AXL: variants seen among roughly 807,000 people sequenced by gnomAD.
AXL encodes tyrosine-protein kinase receptor UFO.
Under a neutral mutation model 104.5 loss-of-function variants are expected in AXL, and 52 were observed. The ratio of observed to expected loss-of-function variants is 0.50; its 90% confidence interval spans 0.40 to 0.63. The LOEUF (loss-of-function observed/expected upper bound fraction) is 0.63, where lower values mean the gene tolerates loss of function less well. Among genes scored for constraint, AXL ranks in the 20% least tolerant of loss-of-function variants. AXL has a pLI of 0.00. For missense variants in AXL, 1,024 were observed against 1,188.5 expected, an observed-to-expected ratio of 0.86 and a Z score of 2.04; for synonymous variants, 455 against 473.7, an observed-to-expected ratio of 0.96 and a Z score of 0.51.
chr19:41,239,027 G>C, intron 8 of AXL, 137 bp from the exon 9 acceptor site: 1 of 995,858 alleles, frequency 1.0e-6, no homozygotes, highest in Non-Finnish European at 1.5e-6. Flanking sequence ...GAGAGATGAA[G>C]GGGAGGACGA....
chr19:41,242,049 T>G (rs2034191237), intron 10 of AXL, among the ~76,000 whole-genome samples: 1 of 152,164 alleles, frequency 6.6e-6, no homozygotes, highest in Admixed American at 6.6e-5. Flanking sequence ...TAACCTATGC[T>G]GCTTGAGATT....
chr19:41,227,634 C>T (rs779965193), intron 4 of AXL, among the ~76,000 whole-genome samples: 7 of 151,882 alleles, frequency 4.6e-5, no homozygotes, highest in East Asian at 3.9e-4. Flanking sequence ...TACAGGCACG[C>T]GCCACCATGC....
chr19:41,221,854 G>A (rs368121632), intron 3 of AXL, 26 bp from the exon 4 acceptor site: 15 of 1,610,294 alleles, frequency 9.3e-6, no homozygotes, highest in Non-Finnish European at 1.3e-5. Context: ...AGGGACCCCA[G>A]CCTCTACCAC....
rs774770336 is a variant in AXL at position 41,221,133 on chromosome 19, C to G, written c.309-13C>G. On this transcript the variant is annotated splice_polypyrimidine_tract_variant and intron_variant, in intron 2 of 19. Coordinates refer to ENST00000301178, the MANE Select transcript of AXL (RefSeq NM_021913.5). ...GACCCTGAACCTCTCTGTCTCTCCT[C>G]TTGCCCTGTCAGAATCACCTCCCTG... 2 of 1,611,948 alleles carry G rather than the reference C, an allele frequency of 1.2e-6. No homozygotes were observed. Among genetic ancestry groups the G allele is most frequent in the South Asian group, 2.2e-5 (2 of 90,738 alleles).
Position 41,238,155 on chromosome 19 carries a change from G to T in AXL, c.994+1G>T. 6.2e-7 allele frequency: 1 copy of T among 1,613,986 alleles called. No homozygotes were observed. The highest frequency in any genetic ancestry group is 8.5e-7 in the Non-Finnish European group (1 of 1,179,954). On this transcript the variant is annotated splice_donor_variant, in intron 7 of 19. Coordinates refer to ENST00000301178, the MANE Select transcript of AXL (RefSeq NM_021913.5). LOFTEE classifies it high-confidence loss of function. Reference sequence around the variant, plus strand: ...CTTCCTGTGGAGACGCCGGAGGGAGGTAAGAAGGGTTGGGGAGGGACACGT... The same window carrying T: ...CTTCCTGTGGAGACGCCGGAGGGAGTTAAGAAGGGTTGGGGAGGGACACGT...
Position 41,237,995 on chromosome 19 carries a change from C to T in AXL, c.835C>T (p.Pro279Ser). 1 of 1,613,932 alleles carries T rather than the reference C, an allele frequency of 6.2e-7. No homozygotes were observed. The highest frequency in any genetic ancestry group is 1.3e-5 in the African/African-American group (1 of 74,998). The change falls in exon 7 of 20, where the codon CCA becomes TCA. Residue 279 changes from proline to serine, a missense_variant. Physicochemically the swap from Pro to Ser is moderately conservative, Grantham distance 74. Around this residue, in one of 5 missense-constraint regions of AXL, gnomAD observed 332 missense variants for 343.9 expected, o/e 0.97. Transcript: ENST00000301178. ...MGIQAGEPDP[P>S]EEPLTSQASV... ...CATCCAGGCGGGAGAACCAGACCCC[C>T]CAGAGGAGCCCCTCACCTCGCAAGC...
At position 41,239,231 on chromosome 19, in the gene AXL, A is replaced by G. The variant is rs2034137736; in HGVS notation, c.1202A>G (p.Asn401Ser). The G allele has an allele frequency of 7.4e-6, 12 of 1,612,866 alleles. No homozygotes were observed. Among genetic ancestry groups the G allele is most frequent in the East Asian group, 2.2e-5 (1 of 44,862 alleles). Residue 401 changes from asparagine (N) to serine (S), a missense_variant, in exon 9 of 20, where the codon AAT becomes AGT. By Grantham distance (46) the Asn-to-Ser change is conservative. Transcript: ENST00000301178. ...CTGCAGGGGGACGGGTCTGTGTCCA[A>G]TCTGACAGTGTGTGTGGCAGCCTAC... The part of the protein sequence containing the change: ...LELQGDGSVS[N>S]LTVCVAAYTA...
Position 41,252,956 on chromosome 19 carries a change from G to A in AXL, c.1915G>A (p.Asp639Asn), listed in dbSNP as rs776653494. 14 of 1,614,040 alleles carry A rather than the reference G, an allele frequency of 8.7e-6. No homozygotes were observed. Among genetic ancestry groups the A allele is most frequent in the Non-Finnish European group, 1.2e-5 (14 of 1,180,012 alleles). The part of the protein sequence containing the change: ...HSFLLYSRLG[D>N]QPVYLPTQML... The stretch of plus-strand genomic sequence containing the variant: ...CTTCCTCCTCTATTCCCGGCTCGGG[G>A]ACCAGCCAGTGGTAAGGGGCGTTTA... The change falls in exon 16 of 20, where the codon GAC (aspartate) becomes AAC (asparagine). Residue 639 changes from aspartate (D) to asparagine (N), a missense_variant. By Grantham distance (23) the Asp-to-Asn change is conservative. Transcript: ENST00000301178.
At chr19:41,247,284 TG>T (rs1322488540) in intron 12 of AXL, among the ~76,000 whole-genome samples, 1 of 152,120 alleles carries the variant, frequency 6.6e-6, no homozygotes, top group Non-Finnish European at 1.5e-5. Context: ...GAGGCCAAGG[TG>T]GGCAGATCAC....
Position 41,238,530 on chromosome 19 carries a change from A to T in AXL, c.1055A>T (p.His352Leu). Residue 352 changes from histidine (H) to leucine (L), a missense_variant, in exon 8 of 20, where the codon CAT (histidine) becomes CTT (leucine). By Grantham distance (99) the His-to-Leu change is moderately conservative (BLOSUM62 -3). Around this residue, in one of 5 missense-constraint regions of AXL, gnomAD observed 332 missense variants for 343.9 expected, o/e 0.97. Transcript: ENST00000301178. ...CGGAATGGGAGCCAGGCCTTCGTGC[A>T]TTGGCAAGAGCCCCGGGCGCCCCTG... is the stretch of plus-strand genomic sequence containing the variant. ...ATRNGSQAFVHWQEPRAPLQG... is the reference protein window; with the variant it reads ...ATRNGSQAFVLWQEPRAPLQG... The T allele has an allele frequency of 6.2e-7, 1 of 1,614,030 alleles. No homozygotes were observed. The highest frequency in any genetic ancestry group is 8.5e-7 in the Non-Finnish European group (1 of 1,179,952).
At chr19:41,238,354 G>A (rs2034118928) in intron 7 of AXL, 116 bp from the exon 8 acceptor site, 6 of 1,518,076 alleles carry the variant, frequency 4.0e-6, no homozygotes, top group East Asian at 4.5e-5. Flanking sequence ...CTCATGGGAG[G>A]CCTGCACGAG....
Position 41,257,498 on chromosome 19 carries a change from C to T in AXL, c.2202C>T (p.Ser734=), listed in dbSNP as rs776055675. Residue 734 remains serine, a synonymous_variant, in exon 19 of 20, where the codon TCC becomes TCT. Coordinates refer to ENST00000301178, the MANE Select transcript of AXL (RefSeq NM_021913.5). ...ATTCCCTCTGCCCCTCACAGTGGTC[C>T]TTCGGGGTGACAATGTGGGAGATTG... ...RVYTSKSDVW[S]FGVTMWEIAT... The T allele has an allele frequency of 2.4e-5, 38 of 1,614,006 alleles. No individual in the cohort carries two copies. The Admixed American group carries it at 6.2e-4, about 26-fold the overall frequency.
chr19:41,239,119 C>T (rs2122236936), intron 8 of AXL, 45 bp from the exon 9 acceptor site: 1 of 1,607,538 alleles, frequency 6.2e-7, no homozygotes, highest in Non-Finnish European at 8.5e-7. Context: ...GGCTTAACAG[C>T]TGGGGGGTAA....
intron 8 of AXL, 90 bp from the exon 9 acceptor site, chr19:41,239,074 T>G: frequency 4.0e-5 from 59 of 1,481,896 alleles, no homozygotes; most frequent in Non-Finnish European, 5.2e-5. Context: ...GAGAGCGTTT[T>G]GAGAAAGAGA....
Position 41,220,789 on chromosome 19 carries a change from A to G in AXL, c.239A>G (p.Asp80Gly), listed in dbSNP as rs773894785. The change falls in exon 2 of 20, where the codon GAC (aspartate) becomes GGC (glycine). Residue 80 changes from aspartate to glycine, a missense_variant. Asp to Gly is a moderately conservative substitution (Grantham distance 94). Coordinates refer to ENST00000301178, the MANE Select transcript of AXL (RefSeq NM_021913.5). ...GATGGACAGATCCTGGAGCTCGCGG[A>G]CAGCACCCAGACCCAGGTGCCCCTG... ...LRDGQILELA[D>G]STQTQVPLGE... 6.2e-7 allele frequency: 1 copy of G among 1,613,974 alleles called. No individual in the cohort carries two copies. The highest frequency in any genetic ancestry group is 2.2e-5 in the East Asian group (1 of 44,870).
intron 8 of AXL, among the ~76,000 whole-genome samples, chr19:41,238,947 T>C (rs924075529): frequency 1.3e-5 from 2 of 151,706 alleles, no homozygotes; most frequent in African/African-American, 4.9e-5. Flanking sequence ...AGCAATACCC[T>C]GACATAGGGA....
chr19:41,242,745 T>G, intron 10 of AXL, 138 bp from the exon 11 acceptor site: 1 of 1,086,020 alleles, frequency 9.2e-7, no homozygotes, highest in Non-Finnish European at 1.3e-6. Flanking sequence ...GATATGTGAA[T>G]GCATCCATCA....
rs143486475 is a variant in AXL, at chr19:41,259,581, C to G, written c.2362C>G (p.Leu788Val). Residue 788 changes from leucine to valine, a missense_variant, in exon 20 of 20, where the codon CTA becomes GTA. Leu to Val is a conservative substitution (Grantham distance 32). This residue lies in a region of AXL where 523 missense variants were observed against 636.0 expected (regional missense o/e 0.82). Coordinates refer to ENST00000301178, the MANE Select transcript of AXL (RefSeq NM_021913.5). ...LYALMSRCWE[L>V]NPQDRPSFTE... ...TGCCTTGATGTCGCGGTGCTGGGAG[C>G]TAAATCCCCAGGACCGGCCAAGTTT... 1.9e-6 allele frequency: 3 copies of G among 1,610,918 alleles called. No individual in the cohort carries two copies. The highest frequency in any genetic ancestry group is 2.5e-6 in the Non-Finnish European group (3 of 1,178,246).
intron 12 of AXL, among the ~76,000 whole-genome samples, chr19:41,245,953 CCCCTGTGGT>C (rs1183715321): frequency 6.6e-6 from 1 of 152,138 alleles, no homozygotes; most frequent in Non-Finnish European, 1.5e-5. Context: ...TGAGCCTGGT[CCCCTGTGGT>C]CCCTGAGACC....
Sources: gnomAD v4.1 joint callset for allele counts (sites outside exome capture counted in the v4.1 genomes callset) on GRCh38, gnomAD v4.1.1 for gene constraint, gnomAD v4.1.1 regional missense constraint, MANE v1.5 for transcripts, NCBI Gene and HGNC (gene_info 2026-07-23, HGNC 2026-07-21) for gene names.